Variants in CAMTA1 observed in about 807,000 individuals in gnomAD.
CAMTA1 encodes calmodulin-binding transcription activator 1.
A neutral mutation model predicts 170.9 loss-of-function variants in CAMTA1; 27 were observed. The observed-to-expected ratio is 0.16, with a 90% CI of 0.12 to 0.22. The LOEUF is 0.22. Ranked by LOEUF, CAMTA1 falls within the 10% of genes least tolerant of loss-of-function variation. The pLI, the probability that CAMTA1 is intolerant of heterozygous loss-of-function variation, is 1.00. For missense variants in CAMTA1, 1,619 were observed against 2,217.2 expected (o/e 0.73, Z 5.42); for synonymous variants, 833 against 891.5 (o/e 0.93, Z 1.17).
intron 11 of CAMTA1, among the ~76,000 whole-genome samples, chr1:7,690,930 G>T (rs1033352677): frequency 1.3e-5 from 2 of 152,204 alleles, no homozygotes; most frequent in African/African-American, 4.8e-5. Flanking sequence ...TTGCTTCCCG[G>T]TTATTCACGA....
At chr1:7,525,829 G>A (rs979230522) in intron 6 of CAMTA1, among the ~76,000 whole-genome samples, 22 of 152,034 alleles carry the variant, frequency 1.4e-4, no homozygotes, top group Admixed American at 1.3e-4. Flanking sequence ...GTCACTTAGC[G>A]CCCAGGGCCA....
At chr1:6,866,634 C>A (rs907323658) in intron 3 of CAMTA1, among the ~76,000 whole-genome samples, 5 of 151,814 alleles carry the variant, frequency 3.3e-5, no homozygotes, top group Non-Finnish European at 7.4e-5. Context: ...GCAGGCCAAT[C>A]GGAAGAAAAA....
Position 7,227,517 on chromosome 1 carries a change from C to CG in CAMTA1, c.303-21970dup, listed in dbSNP as rs1435905968. ...TAATTTTTTGTATTTTTAGTAGAGA[C>CG]GGGGTTTCTCCATGTTGGTCAGGCT... On this transcript the variant is annotated intron_variant, in intron 4 of 22. Transcript: ENST00000303635. Among the ~76,000 whole-genome samples, 6 of 151,942 alleles carry CG rather than the reference C, an allele frequency of 3.9e-5. No homozygotes were observed. The East Asian group carries it at 1.2e-3, about 29-fold the overall frequency.
chr1:6,814,265 G>C (rs1645523435), intron 1 of CAMTA1, among the ~76,000 whole-genome samples: 3 of 152,162 alleles, frequency 2.0e-5, no homozygotes, highest in South Asian at 4.1e-4. Context: ...GTTTACAGAA[G>C]ATACTGTGGC....
At chr1:6,867,161 T>A (rs1666844943) in intron 3 of CAMTA1, among the ~76,000 whole-genome samples, 1 of 152,242 alleles carries the variant, frequency 6.6e-6, no homozygotes, top group Non-Finnish European at 1.5e-5. Context: ...CATACTATGA[T>A]AATGAGCATG....
At chr1:7,307,252 G>A (rs1248353055) in intron 5 of CAMTA1, among the ~76,000 whole-genome samples, 2 of 151,844 alleles carry the variant, frequency 1.3e-5, no homozygotes, top group Non-Finnish European at 2.9e-5. Context: ...CTAATTCATT[G>A]CTAGTATATA....
intron 11 of CAMTA1, chr1:7,693,033 G>A (rs2096335913): frequency 6.6e-6 from 1 of 152,268 alleles, no homozygotes; most frequent in African/African-American, 2.4e-5. Context: ...GTGCTCATAG[G>A]AGTGCCCTTC....
At chr1:6,935,639 G>A (rs559212384) in intron 3 of CAMTA1, among the ~76,000 whole-genome samples, 1 of 152,312 alleles carries the variant, frequency 6.6e-6, no homozygotes, top group East Asian at 1.9e-4. Flanking sequence ...TAATCCGCCC[G>A]ACATCACATC....
rs2095978270 is a variant in CAMTA1 at position 7,663,407 on chromosome 1, C to T, written c.860C>T (p.Ser287Leu). 11 of 1,549,642 alleles carry T rather than the reference C, an allele frequency of 7.1e-6. No homozygotes were observed. Among genetic ancestry groups the T allele is most frequent in the Non-Finnish European group, 8.7e-6 (10 of 1,144,096 alleles). Reference sequence around the variant, plus strand: ...AACAGCGCCAAACACCGCATCATCTCGCCCAAGGTGGAGCCACGGACAGGG... The same window carrying T: ...AACAGCGCCAAACACCGCATCATCTTGCCCAAGGTGGAGCCACGGACAGGG... ...KCNSAKHRIISPKVEPRTGGY... is the reference protein window; with the variant it reads ...KCNSAKHRIILPKVEPRTGGY... Residue 287 changes from serine to leucine, a missense_variant, in exon 9 of 23, where the codon TCG (serine) becomes TTG (leucine). Physicochemically the swap from Ser to Leu is moderately radical, Grantham distance 145. Around this residue, in one of 8 missense-constraint regions of CAMTA1, gnomAD observed 731 missense variants for 907.6 expected, o/e 0.81. Coordinates refer to ENST00000303635, the MANE Select transcript of CAMTA1 (RefSeq NM_015215.4).
intron 3 of CAMTA1, among the ~76,000 whole-genome samples, chr1:6,836,620 CAT>C (rs1653256977): frequency 6.6e-6 from 1 of 152,084 alleles, no homozygotes; most frequent in Non-Finnish European, 1.5e-5. Flanking sequence ...CGCGTATGTG[CAT>C]GCATGTGCAC....
At chr1:7,613,542 G>A (rs2095537853) in intron 6 of CAMTA1, among the ~76,000 whole-genome samples, 1 of 152,192 alleles carries the variant, frequency 6.6e-6, no homozygotes, top group East Asian at 1.9e-4. Flanking sequence ...GGACCTGCGG[G>A]AGTGTTTATG....
chr1:7,714,110 C>G (rs955253964), intron 11 of CAMTA1, among the ~76,000 whole-genome samples: 6 of 152,154 alleles, frequency 3.9e-5, no homozygotes, highest in African/African-American at 1.4e-4. Context: ...TAGCCAAACT[C>G]CAGGTACATT....
At chr1:7,012,381 T>C (rs1293428650) in intron 3 of CAMTA1, among the ~76,000 whole-genome samples, 1 of 152,178 alleles carries the variant, frequency 6.6e-6, no homozygotes, top group Non-Finnish European at 1.5e-5. Context: ...AGGCCCTGGC[T>C]CTGTCCACTG....
intron 5 of CAMTA1, among the ~76,000 whole-genome samples, chr1:7,318,212 G>A (rs1290685082): frequency 6.6e-6 from 1 of 151,278 alleles, no homozygotes; most frequent in Non-Finnish European, 1.5e-5. Context: ...TGCATTGCTA[G>A]TTGTACAAAC....
intron 10 of CAMTA1, among the ~76,000 whole-genome samples, chr1:7,677,301 T>A (rs970605723): frequency 6.6e-6 from 1 of 152,186 alleles, no homozygotes; most frequent in Non-Finnish European, 1.5e-5. Context: ...CATTCACTTG[T>A]TCAGCCAGTC....
rs748855654 is a variant in CAMTA1 at position 7,435,902 on chromosome 1, C to T, written c.439-31928C>T. 2.0e-5 allele frequency among the ~76,000 whole-genome samples: 3 copies of T among 152,100 alleles called. No homozygotes were observed. The highest frequency in any genetic ancestry group is 4.4e-5 in the Non-Finnish European group (3 of 68,008). On this transcript the variant is annotated intron_variant, in intron 5 of 22. Transcript: ENST00000303635. The surrounding 1 kb of genome is among the most constrained non-coding windows in gnomAD (Gnocchi z 4.4). ...GACCCAGGGGCCTGGCTGTGCTGCA[C>T]CCTGGGGAAGATACTGTCTTAGGTA...
chr1:6,997,998 C>G (rs771501283), intron 3 of CAMTA1, among the ~76,000 whole-genome samples: 3 of 151,732 alleles, frequency 2.0e-5, no homozygotes, highest in Non-Finnish European at 4.4e-5. Context: ...ATCTCTTTAT[C>G]TTTTTTTTGA....
At chr1:7,266,596 G>A (rs1668973676) in intron 5 of CAMTA1, among the ~76,000 whole-genome samples, 1 of 152,234 alleles carries the variant, frequency 6.6e-6, no homozygotes, top group African/African-American at 2.4e-5. Flanking sequence ...GGAAGAAACA[G>A]ACAGGACAGA....
At chr1:7,636,310 A>G (rs2095711763) in intron 6 of CAMTA1, among the ~76,000 whole-genome samples, 1 of 152,118 alleles carries the variant, frequency 6.6e-6, no homozygotes, top group Admixed American at 6.5e-5. Context: ...ATGTTGGAGG[A>G]TGGGGTGGGT....
Sources: gnomAD v4.1 joint callset for allele counts (sites outside exome capture counted in the v4.1 genomes callset) on GRCh38, gnomAD v4.1.1 for gene constraint, gnomAD v4.1.1 regional missense constraint, Gnocchi (gnomAD v3.1) non-coding constraint, MANE v1.5 for transcripts, NCBI Gene and HGNC (gene_info 2026-07-23, HGNC 2026-07-21) for gene names.